Variants in OSBP2 observed in about 807,000 individuals in gnomAD.
The protein encoded by OSBP2 is oxysterol binding protein 2, also known as oxysterol-binding protein 2.
In OSBP2, 66 loss-of-function variants were observed where a neutral mutation model predicts 96.0. That is an observed-to-expected ratio of 0.69 (90% CI 0.56 to 0.84). The LOEUF (loss-of-function observed/expected upper bound fraction) is 0.84, where lower values mean the gene tolerates loss of function less well. OSBP2 is among the 40% of genes least tolerant of loss of function. OSBP2 has a pLI of 0.00. For synonymous variants in OSBP2, 525 were observed against 520.9 expected (o/e 1.01, Z -0.11); for missense variants, 1,038 against 1,222.7 (o/e 0.85, Z 2.25).
intron 1 of OSBP2, among the ~76,000 whole-genome samples, chr22:30,707,136 C>T (rs984813862): frequency 3.3e-5 from 5 of 151,976 alleles, no homozygotes; most frequent in Admixed American, 2.0e-4. Context: ...CTAGCTTTGT[C>T]GCCAGTCTGG....
rs542539916 is a variant in OSBP2, at chr22:30,871,861, G to A, written c.1107+1179G>A. 2.6e-5 allele frequency among the ~76,000 whole-genome samples: 4 copies of A among 152,350 alleles called. No homozygotes were observed. The highest frequency in any genetic ancestry group is 1.3e-4 in the Admixed American group (2 of 15,308). On this transcript the variant is annotated intron_variant, in intron 3 of 13. Coordinates refer to ENST00000332585, the MANE Select transcript of OSBP2 (RefSeq NM_030758.4). The surrounding 1 kb of genome is among the most constrained non-coding windows in gnomAD (Gnocchi z 4.7). ...TCACTGGCCTGTTGGCAGCATGATTGTGGGGCAGGAGGGCCACCCCACCAC... is the reference window on the plus strand; with the variant it reads ...TCACTGGCCTGTTGGCAGCATGATTATGGGGCAGGAGGGCCACCCCACCAC...
At chr22:30,876,853 C>T (rs2039592472) in intron 3 of OSBP2, among the ~76,000 whole-genome samples, 1 of 152,198 alleles carries the variant, frequency 6.6e-6, no homozygotes. Context: ...CCATACCTTC[C>T]TGATTCCAGA....
At position 30,751,268 on chromosome 22, in the gene OSBP2, C is replaced by T. The variant is rs142756526; in HGVS notation, c.853+9899C>T. Among the ~76,000 whole-genome samples, 1,004 of 152,142 alleles carry T rather than the reference C, an allele frequency of 6.6e-3. 10 individuals are homozygous for T. Among genetic ancestry groups the T allele is most frequent in the African/African-American group, 0.023 (952 of 41,476 alleles). On this transcript the variant is annotated intron_variant, in intron 2 of 13. Transcript: ENST00000332585. ...GATCTCCTGAGGGCTGTGCCAGGGG[C>T]CATGGTCACTCATATTTGGCTCAGA...
chr22:30,716,275 C>T (rs1184593938), intron 1 of OSBP2, among the ~76,000 whole-genome samples: 1 of 151,942 alleles, frequency 6.6e-6, no homozygotes, highest in Non-Finnish European at 1.5e-5. Context: ...CTCCTGACCT[C>T]AGGTGATCTG....
chr22:30,893,602 G>T, intron 10 of OSBP2, 36 bp downstream of exon 10: 1 of 1,612,030 alleles, frequency 6.2e-7, no homozygotes, highest in Non-Finnish European at 8.5e-7. Flanking sequence ...TGCATGGCCC[G>T]GGGGCTGGCC....
intron 1 of OSBP2, among the ~76,000 whole-genome samples, chr22:30,713,507 C>T (rs1451198191): frequency 6.6e-6 from 1 of 151,024 alleles, no homozygotes; most frequent in Non-Finnish European, 1.5e-5. Flanking sequence ...GTTACCCAGG[C>T]TAGAGTGCAG....
At chr22:30,847,438 C>A (rs558598004) in intron 2 of OSBP2, among the ~76,000 whole-genome samples, 1 of 151,742 alleles carries the variant, frequency 6.6e-6, no homozygotes, top group South Asian at 2.1e-4. Context: ...CCCACCACCA[C>A]GCCTGGCTAA....
At chr22:30,859,709 C>T (rs1265649576) in intron 2 of OSBP2, among the ~76,000 whole-genome samples, 2 of 152,198 alleles carry the variant, frequency 1.3e-5, no homozygotes, top group Non-Finnish European at 2.9e-5. Flanking sequence ...GGAACCAAAT[C>T]GTAGAGACTG....
intron 2 of OSBP2, among the ~76,000 whole-genome samples, chr22:30,785,541 T>G (rs2145815863): frequency 7.1e-6 from 1 of 141,312 alleles, no homozygotes; most frequent in Admixed American, 7.6e-5. Flanking sequence ...CACTCCAGTG[T>G]GGGTGACAGA....
chr22:30,892,184 T>C (rs898692294), intron 8 of OSBP2, among the ~76,000 whole-genome samples: 1 of 151,936 alleles, frequency 6.6e-6, no homozygotes, highest in Non-Finnish European at 1.5e-5. Flanking sequence ...TGCTTAGGGT[T>C]AGAGGAGGAG....
intron 1 of OSBP2, among the ~76,000 whole-genome samples, chr22:30,733,883 C>T (rs1191656568): frequency 6.6e-6 from 1 of 152,170 alleles, no homozygotes; most frequent in Admixed American, 6.5e-5. Context: ...TTAAATTGTA[C>T]TGCAGATGTT....
upstream of OSBP2, chr22:30,694,419 C>T (rs531927235): frequency 4.7e-5 from 68 of 1,433,186 alleles, no homozygotes; most frequent in East Asian, 9.0e-4. Context: ...ATTTCGTGGC[C>T]TCTGGGTGCC....
intron 1 of OSBP2, among the ~76,000 whole-genome samples, chr22:30,725,844 A>G (rs2089641216): frequency 6.7e-6 from 1 of 149,714 alleles, no homozygotes; most frequent in Non-Finnish European, 1.5e-5. Flanking sequence ...GGCTGAGTGC[A>G]GTGGTGCAAT....
intron 12 of OSBP2, among the ~76,000 whole-genome samples, chr22:30,899,576 T>C (rs1037917023): frequency 1.3e-5 from 2 of 152,110 alleles, no homozygotes; most frequent in African/African-American, 4.8e-5. Context: ...TATTCCAATT[T>C]CATATAAAGT....
At chr22:30,862,146 C>G (rs1334152173) in intron 2 of OSBP2, among the ~76,000 whole-genome samples, 1 of 152,260 alleles carries the variant, frequency 6.6e-6, no homozygotes, top group Non-Finnish European at 1.5e-5. Flanking sequence ...CTCTCCTTCT[C>G]CATTGCCTGA....
chr22:30,862,925 A>G (rs1274322206), intron 2 of OSBP2, among the ~76,000 whole-genome samples: 1 of 151,428 alleles, frequency 6.6e-6, no homozygotes, highest in African/African-American at 2.4e-5. Flanking sequence ...ATGAGCCGAG[A>G]TTTTGCCACT....
intron 1 of OSBP2, among the ~76,000 whole-genome samples, chr22:30,717,576 C>G (rs1331301942): frequency 6.6e-6 from 1 of 152,210 alleles, no homozygotes; most frequent in African/African-American, 2.4e-5. Context: ...GCTTTGCTCA[C>G]TAGCTATAAA....
chr22:30,772,844 G>C, intron 2 of OSBP2, among the ~76,000 whole-genome samples: 1 of 151,402 alleles, frequency 6.6e-6, no homozygotes, highest in Non-Finnish European at 1.5e-5. Flanking sequence ...CCAGGCTGGA[G>C]TGCAGTGGCG....
intron 1 of OSBP2, among the ~76,000 whole-genome samples, chr22:30,732,794 C>T (rs1472634611): frequency 6.6e-6 from 1 of 152,186 alleles, no homozygotes; most frequent in Non-Finnish European, 1.5e-5. Flanking sequence ...GGGTATTTCT[C>T]CCTCGGTGTC....
Sources: gnomAD v4.1 joint callset for allele counts (sites outside exome capture counted in the v4.1 genomes callset) on GRCh38, gnomAD v4.1.1 for gene constraint, Gnocchi (gnomAD v3.1) non-coding constraint, MANE v1.5 for transcripts, NCBI Gene and HGNC (gene_info 2026-07-23, HGNC 2026-07-21) for gene names.